The following ERC2 variants were observed in gnomAD, a reference collection of about 807,000 sequenced individuals.
ERC2 encodes the protein ERC protein 2.
Under a neutral mutation model 114.8 loss-of-function variants are expected in ERC2, and 42 were observed. The ratio of observed to expected loss-of-function variants is 0.37; its 90% CI spans 0.29 to 0.47. The LOEUF is 0.47. Among genes scored for constraint, ERC2 ranks in the 20% least tolerant of loss-of-function variants. The pLI is 0.99. For missense variants in ERC2, 939 were observed against 1,150.7 expected (o/e 0.82, Z 2.66); for synonymous variants, 454 against 425.5 (o/e 1.07, Z -0.82).
chr3:56,278,566 C>A (rs775380914), intron 3 of ERC2, among the ~76,000 whole-genome samples: 6 of 152,208 alleles, frequency 3.9e-5, no homozygotes, highest in Non-Finnish European at 7.3e-5. Flanking sequence ...ATGGTATCTA[C>A]TGTTTTAGTC....
chr3:55,616,873 T>A (rs2059142307), intron 17 of ERC2, among the ~76,000 whole-genome samples: 1 of 151,848 alleles, frequency 6.6e-6, no homozygotes, highest in African/African-American at 2.4e-5. Context: ...TCCATTAAGA[T>A]GAGTGCCCAA....
chr3:55,723,543 T>G (rs150961857), intron 15 of ERC2, among the ~76,000 whole-genome samples: 8 of 151,888 alleles, frequency 5.3e-5, no homozygotes, highest in Non-Finnish European at 7.4e-5. Flanking sequence ...TTGCAGAGAA[T>G]CAAAAGAAGA....
intron 17 of ERC2, among the ~76,000 whole-genome samples, chr3:55,516,608 A>C (rs372218357): frequency 6.6e-6 from 1 of 152,202 alleles, no homozygotes; most frequent in East Asian, 1.9e-4. Context: ...GGGATGACGG[A>C]GTTTGCTGGG....
chr3:56,418,411 T>TA (rs2061255459), intron 2 of ERC2, among the ~76,000 whole-genome samples: 6 of 152,074 alleles, frequency 3.9e-5, no homozygotes, highest in African/African-American at 1.4e-4. Context: ...TACACAGAGC[T>TA]ACTCACTCCA....
chr3:56,386,549 T>C (rs1361921207), intron 2 of ERC2, among the ~76,000 whole-genome samples: 1 of 152,176 alleles, frequency 6.6e-6, no homozygotes, highest in Non-Finnish European at 1.5e-5. Flanking sequence ...TTTTGTTGTC[T>C]TATGGGGTTG....
chr3:56,298,640 T>C (rs1272807455), intron 2 of ERC2, among the ~76,000 whole-genome samples: 4 of 149,414 alleles, frequency 2.7e-5, no homozygotes, highest in African/African-American at 9.9e-5. Context: ...ATGATTCCAC[T>C]AATAGAATGT....
In ERC2 at chr3:55,966,219, A is replaced by T. The variant is rs141598559; in HGVS notation, c.2268-15659T>A. Among the ~76,000 whole-genome samples, 621 of 152,226 alleles carry T rather than the reference A, an allele frequency of 4.1e-3. 5 individuals are homozygous for T. The highest frequency in any genetic ancestry group is 0.014 in the African/African-American group (600 of 41,536). On this transcript the variant is annotated intron_variant, in intron 12 of 17. Coordinates refer to ENST00000288221, the MANE Select transcript of ERC2 (RefSeq NM_015576.3). ...GGAACATAAGCCTTCCCTCTTCTTG[A>T]CCAAGCCTATTTCCTCAATGGACAT...
chr3:55,683,754 C>T (rs2062178372), intron 17 of ERC2, 40 bp downstream of exon 17: 2 of 1,532,922 alleles, frequency 1.3e-6, no homozygotes, highest in South Asian at 1.1e-5. Context: ...CACTAGAATG[C>T]AATTTTTTAA....
intron 14 of ERC2, among the ~76,000 whole-genome samples, chr3:55,815,870 G>A (rs1393033532): frequency 1.3e-5 from 2 of 152,266 alleles, no homozygotes; most frequent in Admixed American, 6.5e-5. Flanking sequence ...AAATGCCTTC[G>A]TGAGTAAGCA....
intron 17 of ERC2, among the ~76,000 whole-genome samples, chr3:55,537,478 G>C (rs1483630178): frequency 6.6e-6 from 1 of 152,204 alleles, no homozygotes; most frequent in African/African-American, 2.4e-5. Flanking sequence ...TCAGCTAGCT[G>C]ATTTCTTTGG....
intron 14 of ERC2, among the ~76,000 whole-genome samples, chr3:55,801,930 G>C (rs1337394941): frequency 1.3e-5 from 2 of 152,242 alleles, no homozygotes; most frequent in Non-Finnish European, 2.9e-5. Context: ...GATCCAGTGG[G>C]TCTGGGGCAA....
chr3:56,318,479 T>C (rs1235835109), intron 2 of ERC2, among the ~76,000 whole-genome samples: 2 of 152,110 alleles, frequency 1.3e-5, no homozygotes, highest in East Asian at 3.9e-4. Flanking sequence ...AACCAGCCTG[T>C]TTTTATTTTT....
chr3:56,100,591 T>C (rs1028811435), intron 6 of ERC2, among the ~76,000 whole-genome samples: 1 of 152,256 alleles, frequency 6.6e-6, no homozygotes, highest in Non-Finnish European at 1.5e-5. Context: ...ATTCTAAGTA[T>C]TGTTTGCACA....
chr3:55,965,436 T>G lies in ERC2; in HGVS notation c.2268-14876A>C, dbSNP rs1022368330. ...GGCTGCCCTATTGGACAGCACAGATTTGAACATTAACCAATGTCCATATTA... is the reference window on the plus strand; with the variant it reads ...GGCTGCCCTATTGGACAGCACAGATGTGAACATTAACCAATGTCCATATTA... On this transcript the variant is annotated intron_variant, in intron 12 of 17. Coordinates refer to ENST00000288221, the MANE Select transcript of ERC2 (RefSeq NM_015576.3). 5.9e-5 allele frequency among the ~76,000 whole-genome samples: 9 copies of G among 152,364 alleles called. No individual in the cohort carries two copies. The East Asian group carries it at 1.5e-3, about 26-fold the overall frequency.
At chr3:55,750,486 A>T (rs1015287299) in intron 14 of ERC2, among the ~76,000 whole-genome samples, 2 of 152,110 alleles carry the variant, frequency 1.3e-5, no homozygotes, top group Non-Finnish European at 2.9e-5. Context: ...TGGCCCTTTC[A>T]ATTCTTGGTT....
Position 55,888,740 on chromosome 3 carries a change from T to C in ERC2, c.2404-191A>G, listed in dbSNP as rs144607332. Among the ~76,000 whole-genome samples, 557 of 152,216 alleles carry C rather than the reference T, an allele frequency of 3.7e-3. 4 individuals are homozygous for C. The highest frequency in any genetic ancestry group is 0.012 in the African/African-American group (519 of 41,544). On this transcript the variant is annotated intron_variant, in intron 13 of 17. Transcript: ENST00000288221. ...ATGCAAATGCCTAAGAATGATATAA[T>C]GGACTCTGGGGAGTTGTGGGGAAAG...
intron 17 of ERC2, among the ~76,000 whole-genome samples, chr3:55,604,399 G>C (rs954734207): frequency 6.6e-6 from 1 of 152,014 alleles, no homozygotes; most frequent in African/African-American, 2.4e-5. Flanking sequence ...AGTAGCTTAG[G>C]AATATTTTAT....
intron 3 of ERC2, among the ~76,000 whole-genome samples, chr3:56,278,805 A>T (rs1231174863): frequency 6.6e-6 from 1 of 152,172 alleles, no homozygotes; most frequent in Non-Finnish European, 1.5e-5. Context: ...AGGAGGTGCC[A>T]GTTTCTTTTA....
At chr3:56,302,071 A>T (rs2055914967) in intron 2 of ERC2, among the ~76,000 whole-genome samples, 1 of 152,210 alleles carries the variant, frequency 6.6e-6, no homozygotes, top group Non-Finnish European at 1.5e-5. Context: ...AACATTCAGA[A>T]CTCAAAGAAA....
Sources: allele counts gnomAD v4.1 joint callset (sites outside exome capture counted in the v4.1 genomes callset), GRCh38; gene constraint gnomAD v4.1.1; transcripts MANE v1.5; gene names NCBI Gene and HGNC (gene_info 2026-07-23, HGNC 2026-07-21).